The following ARMC2 variants were observed in gnomAD, a reference collection of about 807,000 sequenced individuals.
ARMC2 encodes armadillo repeat-containing protein 2.
Under a neutral mutation model 90.3 loss-of-function variants are expected in ARMC2, and 67 were observed. The observed-to-expected ratio is 0.74, with a 90% confidence interval of 0.61 to 0.91. ARMC2 has a LOEUF of 0.91. Among genes scored for constraint, ARMC2 ranks in the 40% least tolerant of loss-of-function variants. The pLI, the probability that ARMC2 is intolerant of heterozygous loss-of-function variation, is 0.00. For missense variants in ARMC2, 920 were observed against 1,030.9 expected (o/e 0.89, Z 1.47); for synonymous variants, 393 against 393.0 (o/e 1.00, Z 0.00).
chr6:109,024,661 C>G, the ARMC2 span, among the ~76,000 whole-genome samples: 2 of 152,180 alleles, frequency 1.3e-5, no homozygotes, highest in South Asian at 2.1e-4. Flanking sequence ...CTAGCCTAGA[C>G]TACCATAAAT....
chr6:108,904,256 G>A lies in ARMC2; in HGVS notation c.874G>A (p.Ala292Thr). ...AGAAAACATTGAAACGGTTTGTGCT[G>A]CTTGCACACAACTTCATCATGCTTT... ...KEENIETVCAACTQLHHALEE... is the reference protein window; with the variant it reads ...KEENIETVCATCTQLHHALEE... Residue 292 changes from alanine (A) to threonine (T), a missense_variant, in exon 8 of 18, where the codon GCT (alanine) becomes ACT (threonine). Coordinates refer to ENST00000392644, the MANE Select transcript of ARMC2 (RefSeq NM_032131.6). 8.1e-6 allele frequency: 13 copies of A among 1,613,708 alleles called. No individual in the cohort carries two copies. Among genetic ancestry groups the A allele is most frequent in the Non-Finnish European group, 1.1e-5 (13 of 1,179,788 alleles).
At chr6:109,050,525 A>AG in the ARMC2 span, among the ~76,000 whole-genome samples, 2 of 152,214 alleles carry the variant, frequency 1.3e-5, no homozygotes, top group African/African-American at 4.8e-5. Context: ...AGGAAAAATT[A>AG]GTTGGACTGG....
chr6:109,027,266 A>T, the ARMC2 span, among the ~76,000 whole-genome samples: 1 of 152,038 alleles, frequency 6.6e-6, no homozygotes, highest in Admixed American at 6.5e-5. Context: ...TGAGGTCAGG[A>T]GTTCGAGACC....
intron 5 of ARMC2, among the ~76,000 whole-genome samples, chr6:108,883,528 T>C (rs981777297): frequency 6.6e-6 from 1 of 152,270 alleles, no homozygotes; most frequent in Non-Finnish European, 1.5e-5. Flanking sequence ...GTGTGAGTAC[T>C]GATTTCTTTA....
At chr6:108,908,205 A>C (rs943346609) in intron 8 of ARMC2, among the ~76,000 whole-genome samples, 9 of 152,146 alleles carry the variant, frequency 5.9e-5, no homozygotes, top group African/African-American at 1.9e-4. Flanking sequence ...TCTGTGACCT[A>C]TCTGAGGCAC....
chr6:108,918,971 T>G (rs562140509), intron 10 of ARMC2, among the ~76,000 whole-genome samples: 95 of 152,326 alleles, frequency 6.2e-4, no homozygotes, highest in Middle Eastern at 3.4e-3. Flanking sequence ...TTTCAAATAT[T>G]TAATCTTTTT....
intron 15 of ARMC2, 87 bp downstream of exon 15, chr6:108,962,214 T>C (rs1583221774): frequency 9.5e-7 from 1 of 1,054,754 alleles, no homozygotes; most frequent in East Asian, 2.6e-5. Flanking sequence ...ATTACAGTGT[T>C]ATACTTGTTT....
At chr6:109,004,833 T>C in the ARMC2 span, among the ~76,000 whole-genome samples, 1 of 152,150 alleles carries the variant, frequency 6.6e-6, no homozygotes, top group African/African-American at 2.4e-5. Flanking sequence ...TTAACTATGC[T>C]GAGATACTGT....
intron 5 of ARMC2, chr6:108,880,328 T>C (rs1056805589): frequency 5.7e-6 from 1 of 176,972 alleles, no homozygotes; most frequent in African/African-American, 2.4e-5. Flanking sequence ...GGCTGGCTAA[T>C]CAGAGTTTGC....
the ARMC2 span, among the ~76,000 whole-genome samples, chr6:109,029,422 C>T: frequency 6.6e-6 from 1 of 152,160 alleles, no homozygotes; most frequent in African/African-American, 2.4e-5. Context: ...AAATCTTTTT[C>T]TTGAGTGTAA....
intron 5 of ARMC2, among the ~76,000 whole-genome samples, chr6:108,884,676 G>A (rs948737247): frequency 6.6e-6 from 1 of 152,186 alleles, no homozygotes; most frequent in African/African-American, 2.4e-5. Context: ...ATGTCTGGAA[G>A]GGAAGTTAGG....
chr6:109,029,939 A>G, the ARMC2 span, among the ~76,000 whole-genome samples: 2 of 152,212 alleles, frequency 1.3e-5, no homozygotes, highest in Non-Finnish European at 2.9e-5. Flanking sequence ...AGAACTCCTC[A>G]GTAAGGTTCT....
At chr6:108,861,784 T>A (rs1343768264) in intron 3 of ARMC2, among the ~76,000 whole-genome samples, 1 of 152,206 alleles carries the variant, frequency 6.6e-6, no homozygotes, top group African/African-American at 2.4e-5. Flanking sequence ...GGCTCTTTAT[T>A]CTATGATTCT....
At chr6:109,008,306 T>C in the ARMC2 span, among the ~76,000 whole-genome samples, 4 of 152,210 alleles carry the variant, frequency 2.6e-5, no homozygotes, top group African/African-American at 4.8e-5. Flanking sequence ...ACAGAAACTG[T>C]AAATGTTAAT....
chr6:108,903,405 T>C (rs938980186), intron 7 of ARMC2, among the ~76,000 whole-genome samples: 3 of 152,188 alleles, frequency 2.0e-5, no homozygotes, highest in Admixed American at 1.3e-4. Flanking sequence ...TTCTCCTGTT[T>C]TTTAATAACC....
chr6:108,855,889 A>G (rs1416506803), intron 2 of ARMC2, among the ~76,000 whole-genome samples: 1 of 152,144 alleles, frequency 6.6e-6, no homozygotes, highest in Non-Finnish European at 1.5e-5. Flanking sequence ...TCTGTGGCCC[A>G]TTTTTTAAAT....
the ARMC2 span, among the ~76,000 whole-genome samples, chr6:109,021,914 A>C: frequency 6.6e-6 from 1 of 152,222 alleles, no homozygotes; most frequent in African/African-American, 2.4e-5. Flanking sequence ...TATTACTGAA[A>C]GTTTCATTAA....
chr6:108,854,668 C>T (rs1433781830), intron 2 of ARMC2, among the ~76,000 whole-genome samples, 183 bp downstream of exon 2: 1 of 152,162 alleles, frequency 6.6e-6, no homozygotes. Flanking sequence ...AACACATCTG[C>T]AGCATCTCAT....
rs949502276 is a variant in ARMC2, at chr6:108,932,820, G to A, written c.1497-4080G>A. 3.9e-5 allele frequency among the ~76,000 whole-genome samples: 6 copies of A among 152,072 alleles called. No homozygotes were observed. In the South Asian group the frequency reaches 1.0e-3, roughly 26 times the overall value. On this transcript the variant is annotated intron_variant, in intron 11 of 17. Transcript: ENST00000392644. ...TGGGATTACAGGCGTGAGCCACTGC[G>A]CCCGGCCTCCATTGCTTGTTTTTGT...
Sources: allele counts gnomAD v4.1 joint callset (sites outside exome capture counted in the v4.1 genomes callset), GRCh38; gene constraint gnomAD v4.1.1; transcripts MANE v1.5; gene names NCBI Gene and HGNC (gene_info 2026-07-23, HGNC 2026-07-21).